RIMS1: variants seen among roughly 807,000 people sequenced by gnomAD.
The protein encoded by RIMS1 is regulating synaptic membrane exocytosis 1, also known as regulating synaptic membrane exocytosis protein 1.
In RIMS1, 83 loss-of-function variants were observed where a neutral mutation model predicts 214.1. The observed-to-expected ratio is 0.39, with a 90% CI of 0.32 to 0.47. The LOEUF (loss-of-function observed/expected upper bound fraction) is 0.47, where lower values mean the gene tolerates loss of function less well. RIMS1 is among the 20% of genes least tolerant of loss of function. The pLI is 0.99. For synonymous variants in RIMS1, 793 were observed against 786.8 expected, an observed-to-expected ratio of 1.01 and a Z score of -0.13; for missense variants, 2,050 against 2,161.8, an observed-to-expected ratio of 0.95 and a Z score of 1.03.
At chr6:72,166,071 A>G (rs2046215682) in intron 4 of RIMS1, among the ~76,000 whole-genome samples, 1 of 152,218 alleles carries the variant, frequency 6.6e-6, no homozygotes, top group South Asian at 2.1e-4. Context: ...TGAGAAGTCC[A>G]ATAACAAGGT....
chr6:72,082,756 A>G (rs993640385), intron 2 of RIMS1, among the ~76,000 whole-genome samples: 4 of 152,138 alleles, frequency 2.6e-5, no homozygotes, highest in Non-Finnish European at 4.4e-5. Context: ...CAAGACAGGA[A>G]TGTCACAAGT....
intron 29 of RIMS1, among the ~76,000 whole-genome samples, chr6:72,355,905 C>T (rs1228147886): frequency 6.6e-6 from 1 of 152,154 alleles, no homozygotes; most frequent in East Asian, 1.9e-4. Flanking sequence ...TGTGATTACA[C>T]ATAACGACTC....
intron 28 of RIMS1, among the ~76,000 whole-genome samples, chr6:72,331,399 G>C (rs2096653539): frequency 6.6e-6 from 1 of 151,738 alleles, no homozygotes; most frequent in East Asian, 1.9e-4. Context: ...TGGAGAGTGG[G>C]CTAAAATAAT....
chr6:72,177,105 C>T (rs1661217064), intron 4 of RIMS1, among the ~76,000 whole-genome samples: 1 of 152,112 alleles, frequency 6.6e-6, no homozygotes, highest in Non-Finnish European at 1.5e-5. Flanking sequence ...TATTATTGTG[C>T]TCCTTTCTGC....
chr6:72,251,978 G>T (rs939818437), intron 15 of RIMS1, among the ~76,000 whole-genome samples: 1 of 152,192 alleles, frequency 6.6e-6, no homozygotes. Flanking sequence ...CTCCCAAAGT[G>T]CTGGGATTAC....
chr6:72,241,851 C>A (rs1222820592), intron 9 of RIMS1, among the ~76,000 whole-genome samples: 1 of 152,116 alleles, frequency 6.6e-6, no homozygotes, highest in Non-Finnish European at 1.5e-5. Flanking sequence ...TTCATGCTAA[C>A]AAATATTAAT....
chr6:71,915,284 A>G (rs1272573934), intron 1 of RIMS1, among the ~76,000 whole-genome samples: 1 of 152,148 alleles, frequency 6.6e-6, no homozygotes. Context: ...TCTGTCACAT[A>G]TACTTTTCAC....
intron 4 of RIMS1, among the ~76,000 whole-genome samples, chr6:72,144,867 G>A (rs62408079): frequency 6.6e-6 from 1 of 151,674 alleles, no homozygotes; most frequent in Admixed American, 6.6e-5. Context: ...TGTATGATAA[G>A]GATTTTTTTT....
At chr6:72,352,882 A>T (rs985145948) in intron 29 of RIMS1, among the ~76,000 whole-genome samples, 1 of 152,082 alleles carries the variant, frequency 6.6e-6, no homozygotes, top group Non-Finnish European at 1.5e-5. Context: ...TGAATTCTGT[A>T]ACTGGAAAGG....
At chr6:71,945,798 G>A (rs2151067331) in intron 1 of RIMS1, among the ~76,000 whole-genome samples, 1 of 147,792 alleles carries the variant, frequency 6.8e-6, no homozygotes, top group East Asian at 2.0e-4. Context: ...CGCCCAGGCT[G>A]GAGTGCAGTG....
At chr6:72,116,965 A>G (rs1192469368) in intron 4 of RIMS1, among the ~76,000 whole-genome samples, 2 of 151,956 alleles carry the variant, frequency 1.3e-5, no homozygotes, top group Non-Finnish European at 2.9e-5. Context: ...AATCATCATG[A>G]CAACCTTATT....
chr6:71,952,607 G>A (rs900761978), intron 1 of RIMS1, among the ~76,000 whole-genome samples: 37 of 152,210 alleles, frequency 2.4e-4, no homozygotes, highest in Non-Finnish European at 5.9e-5. Flanking sequence ...CAGGAAAACT[G>A]GAACTTGGGC....
chr6:71,903,747 A>AGT (rs202222563), intron 1 of RIMS1, among the ~76,000 whole-genome samples: 5,883 of 151,678 alleles, frequency 0.039, 374 homozygotes, highest in African/African-American at 0.13. Flanking sequence ...AAGGATTAGT[A>AGT]GTGTGTGTGT....
intron 28 of RIMS1, among the ~76,000 whole-genome samples, chr6:72,327,099 C>T (rs1247876031): frequency 6.6e-6 from 1 of 151,542 alleles, no homozygotes; most frequent in Non-Finnish European, 1.5e-5. Context: ...GGCTTCTGAC[C>T]TCCAGAACTG....
intron 29 of RIMS1, among the ~76,000 whole-genome samples, chr6:72,390,211 G>T (rs1280630433): frequency 6.6e-6 from 1 of 152,158 alleles, no homozygotes; most frequent in Non-Finnish European, 1.5e-5. Context: ...TGTCCTTTGG[G>T]ACTATTCATA....
intron 24 of RIMS1, 28 bp downstream of exon 24, chr6:72,284,146 A>T: frequency 6.3e-7 from 1 of 1,585,866 alleles, no homozygotes; most frequent in Non-Finnish European, 8.7e-7. Context: ...GTGTGCTGAC[A>T]TCTTCCATTT....
chr6:72,080,063 C>A (rs1467339890), intron 2 of RIMS1, among the ~76,000 whole-genome samples: 1 of 108,656 alleles, frequency 9.2e-6, no homozygotes, highest in South Asian at 3.2e-4. Context: ...GTGGTGAAAC[C>A]GTGTCTCTAC....
intron 2 of RIMS1, among the ~76,000 whole-genome samples, chr6:71,978,988 G>C (rs1309127838): frequency 6.6e-6 from 1 of 152,054 alleles, no homozygotes. Context: ...GGCTTTTATA[G>C]TCTTCATTCT....
intron 2 of RIMS1, among the ~76,000 whole-genome samples, chr6:72,020,807 G>T (rs1172192805): frequency 7.2e-5 from 11 of 152,164 alleles, no homozygotes; most frequent in Non-Finnish European, 1.2e-4. Context: ...ATAAAAGAGT[G>T]CAAGTAAGAT....
Sources: allele counts gnomAD v4.1 joint callset (sites outside exome capture counted in the v4.1 genomes callset), GRCh38; gene constraint gnomAD v4.1.1; transcripts MANE v1.5; gene names NCBI Gene and HGNC (gene_info 2026-07-23, HGNC 2026-07-21).